Variants in SLC43A3 observed in about 807,000 individuals in gnomAD.
SLC43A3 encodes the protein solute carrier family 43 member 3.
In SLC43A3, 33 loss-of-function variants were observed where a neutral mutation model predicts 53.3. The ratio of observed to expected loss-of-function variants is 0.62; its 90% confidence interval spans 0.47 to 0.83. The LOEUF (loss-of-function observed/expected upper bound fraction) is 0.83, where lower values mean the gene tolerates loss of function less well. SLC43A3 is among the 40% of genes least tolerant of loss of function. The pLI is 0.00. For synonymous variants in SLC43A3, 236 were observed against 246.2 expected (o/e 0.96, Z 0.39); for missense variants, 530 against 610.0 (o/e 0.87, Z 1.38).
intron 5 of SLC43A3, among the ~76,000 whole-genome samples, chr11:57,421,888 T>C (rs1943001585): frequency 6.6e-6 from 1 of 152,246 alleles, no homozygotes; most frequent in African/African-American, 2.4e-5. Flanking sequence ...CTTTTCTTTG[T>C]TCACTAAACT....
chr11:57,416,873 C>G lies in SLC43A3; in HGVS notation c.672-203G>C, dbSNP rs537718733. ...AGCCAGGCTTCCTTTTCTAAGATCT[C>G]TATGTGAATCTAGTGATTCTAATAA... On this transcript the variant is annotated intron_variant, in intron 8 of 13. Transcript: ENST00000395124. 2.0e-5 allele frequency among the ~76,000 whole-genome samples: 3 copies of G among 152,316 alleles called. No individual in the cohort carries two copies. In the East Asian group the frequency reaches 5.8e-4, roughly 29 times the overall value.
intron 7 of SLC43A3, among the ~76,000 whole-genome samples, chr11:57,420,708 G>A (rs530453012): frequency 6.6e-6 from 1 of 152,316 alleles, no homozygotes; most frequent in African/African-American, 2.4e-5. Flanking sequence ...ACAAAAGCTT[G>A]GGCAAGTCTG....
chr11:57,415,462 T>C (rs1304227150), intron 9 of SLC43A3: 3 of 1,243,120 alleles, frequency 2.4e-6, no homozygotes, highest in Non-Finnish European at 3.2e-6. Flanking sequence ...GAGAGGAGAA[T>C]GAGTGTGGAT....
In SLC43A3 at chr11:57,414,913, C is replaced by G; in HGVS notation, c.943+20G>C. 1 of 1,610,670 alleles carries G rather than the reference C, an allele frequency of 6.2e-7. No homozygotes were observed. Among genetic ancestry groups the G allele is most frequent in the Admixed American group, 1.7e-5 (1 of 60,016 alleles). On this transcript the variant is annotated intron_variant, in intron 10 of 13. Transcript: ENST00000395124. ...CAGCTGGGACATGCAGATGGGCTAC[C>G]TCCCAGCCCTACCACATACCTCGTG...
intron 11 of SLC43A3, among the ~76,000 whole-genome samples, chr11:57,410,789 T>G (rs1287625580): frequency 1.3e-5 from 2 of 152,300 alleles, no homozygotes; most frequent in East Asian, 1.9e-4. Flanking sequence ...TGGGACCCAG[T>G]GGGGGAGGGT....
In SLC43A3 at chr11:57,407,882, G is replaced by A; in HGVS notation, c.1386C>T (p.Phe462=). ...AGAATGTCAGAAGAATGGCAAGCATGAACATCACATTCACCTGCAGGGAGA... is the reference window on the plus strand; with the variant it reads ...AGAATGTCAGAAGAATGGCAAGCATAAACATCACATTCACCTGCAGGGAGA... ...QNDPFYVNVM[F]MLAILLTFFH... is the part of the protein sequence containing the mutation. Residue 462 remains phenylalanine (F), a synonymous_variant, in exon 14 of 14, where the codon TTC becomes TTT. Coordinates refer to ENST00000395124, the MANE Select transcript of SLC43A3 (RefSeq NM_199329.3). The A allele has an allele frequency of 1.2e-6, 2 of 1,611,150 alleles. No homozygotes were observed. Among genetic ancestry groups the A allele is most frequent in the Non-Finnish European group, 1.7e-6 (2 of 1,177,292 alleles).
chr11:57,413,302 A>G (rs1464710564), intron 11 of SLC43A3, among the ~76,000 whole-genome samples: 1 of 152,218 alleles, frequency 6.6e-6, no homozygotes, highest in Non-Finnish European at 1.5e-5. Context: ...TGGACCAGGC[A>G]TGGATCCTAA....
Position 57,424,613 on chromosome 11 carries a change from T to TA in SLC43A3, c.315-586dup, listed in dbSNP as rs200820489. ...TTTGGGGGTCTTGTAAGGCATGGAG[T>TA]AAAAAAAAAAAAGCAATATCCTAAG... On this transcript the variant is annotated intron_variant, in intron 4 of 13. Transcript: ENST00000395124. 3.4e-3 allele frequency among the ~76,000 whole-genome samples: 415 copies of TA among 122,412 alleles called. 4 individuals carry two copies. Among genetic ancestry groups the TA allele is most frequent in the African/African-American group, 0.011 (346 of 32,792 alleles). 80.3% of individuals were successfully genotyped at this position (122,412 alleles called of 152,430 possible).
intron 7 of SLC43A3, among the ~76,000 whole-genome samples, chr11:57,419,965 T>C (rs969626818): frequency 3.3e-5 from 5 of 152,144 alleles, no homozygotes; most frequent in African/African-American, 7.2e-5. Flanking sequence ...CCAAAGCTTA[T>C]GGGACTAAGC....
Position 57,415,015 on chromosome 11 carries a change from A to C in SLC43A3, c.861T>G (p.Ser287=). 6.2e-7 allele frequency: 1 copy of C among 1,614,194 alleles called. No homozygotes were observed. Among genetic ancestry groups the C allele is most frequent in the Non-Finnish European group, 8.5e-7 (1 of 1,180,036 alleles). Residue 287 remains serine (S), a synonymous_variant, in exon 10 of 14, where the codon TCT becomes TCG. Transcript: ENST00000395124. ...RRFAWHLVWL[S]VIQLWHYLFI... ...AGAGGTAGTGCCACAACTGTATCACAGACAGCCACACCAGGTGCCAGGCAA... is the reference window on the plus strand; with the variant it reads ...AGAGGTAGTGCCACAACTGTATCACCGACAGCCACACCAGGTGCCAGGCAA...
At chr11:57,412,929 T>G (rs573618401) in intron 11 of SLC43A3, among the ~76,000 whole-genome samples, 1 of 152,068 alleles carries the variant, frequency 6.6e-6, no homozygotes, top group Non-Finnish European at 1.5e-5. Flanking sequence ...GGAAACTTTA[T>G]AGTGGATGGA....
At position 57,407,755 on chromosome 11, in the gene SLC43A3, A is replaced by C; in HGVS notation, c.*37T>G. ...CCTCAAAGGTGGTGGAAGATGAACA[A>C]AACCATCCTCGGGGCTGAAAAGTGA... On this transcript the variant is annotated 3_prime_UTR_variant, in exon 14 of 14. Coordinates refer to ENST00000395124, the MANE Select transcript of SLC43A3 (RefSeq NM_199329.3). The C allele has an allele frequency of 1.4e-6, 2 of 1,429,112 alleles. No individual in the cohort carries two copies. The highest frequency in any genetic ancestry group is 2.0e-6 in the Non-Finnish European group (2 of 1,014,148). 88.5% of individuals were successfully genotyped at this position (1,429,112 alleles called of 1,614,324 possible).
chr11:57,414,990 A>C lies in SLC43A3; in HGVS notation c.886T>G (p.Phe296Val). 6.2e-7 allele frequency: 1 copy of C among 1,614,028 alleles called. No individual in the cohort carries two copies. The highest frequency in any genetic ancestry group is 1.1e-5 in the South Asian group (1 of 91,080). Residue 296 changes from phenylalanine to valine, a missense_variant, in exon 10 of 14, where the codon TTC becomes GTC. By Grantham distance (50) the Phe-to-Val change is conservative. Around this residue, in one of 3 missense-constraint regions of SLC43A3, gnomAD observed 376 missense variants for 386.7 expected, o/e 0.97. Transcript: ENST00000395124. Reference protein sequence around the residue: ...LSVIQLWHYLFIGTLNSLLTN... With the variant: ...LSVIQLWHYLVIGTLNSLLTN... ...AGCAAGGAGTTGAGAGTGCCAATGA[A>C]GAGGTAGTGCCACAACTGTATCACA...
chr11:57,424,958 C>G (rs1490299886), intron 4 of SLC43A3, among the ~76,000 whole-genome samples: 1 of 152,232 alleles, frequency 6.6e-6, no homozygotes, highest in Non-Finnish European at 1.5e-5. Context: ...AGATCACGTC[C>G]CGAACCTTCT....
intron 12 of SLC43A3, 75 bp from the exon 13 acceptor site, chr11:57,409,373 G>A (rs1281502779): frequency 6.4e-7 from 1 of 1,555,554 alleles, no homozygotes; most frequent in Non-Finnish European, 8.8e-7. Flanking sequence ...GCCTCTGGGG[G>A]CTGTCGGCCG....
chr11:57,425,724 C>T (rs771602980), intron 3 of SLC43A3, 54 bp from the exon 4 acceptor site: 2 of 1,607,038 alleles, frequency 1.2e-6, no homozygotes, highest in East Asian at 2.2e-5. Context: ...CAAATGAGCA[C>T]ACAGGCTGGG....
intron 13 of SLC43A3, 79 bp from the exon 14 acceptor site, chr11:57,407,975 C>A: frequency 1.1e-6 from 1 of 931,264 alleles, no homozygotes; most frequent in South Asian, 1.4e-5. Context: ...AAGCACTGGT[C>A]CATTCCATGA....
In SLC43A3 at chr11:57,414,924, A is replaced by T. The variant is rs753337185; in HGVS notation, c.943+9T>A. On this transcript the variant is annotated intron_variant, in intron 10 of 13. Coordinates refer to ENST00000395124, the MANE Select transcript of SLC43A3 (RefSeq NM_199329.3). ...TGCAGATGGGCTACCTCCCAGCCCT[A>T]CCACATACCTCGTGCCATGTCCCCA... 2 of 1,611,728 alleles carry T rather than the reference A, an allele frequency of 1.2e-6. No individual in the cohort carries two copies. Among genetic ancestry groups the T allele is most frequent in the Admixed American group, 3.3e-5 (2 of 60,002 alleles).
At chr11:57,418,336 A>G (rs1488967835) in intron 7 of SLC43A3, among the ~76,000 whole-genome samples, 1 of 151,692 alleles carries the variant, frequency 6.6e-6, no homozygotes, top group African/African-American at 2.4e-5. Context: ...CTTGCCTCCA[A>G]ATAAAAAAAA....
Sources: allele counts gnomAD v4.1 joint callset (sites outside exome capture counted in the v4.1 genomes callset), GRCh38; gene constraint gnomAD v4.1.1; regional missense constraint gnomAD v4.1.1; transcripts MANE v1.5; gene names NCBI Gene and HGNC (gene_info 2026-07-23, HGNC 2026-07-21).